The following RANBP2 variants were observed in gnomAD, a reference collection of about 807,000 sequenced individuals.
RANBP2 encodes E3 SUMO-protein ligase RanBP2.
RANBP2 carries 57 observed loss-of-function variants against 303.6 expected under a neutral mutation model. That is an observed-to-expected ratio of 0.19 (90% CI 0.15 to 0.23). The LOEUF is 0.23. Among genes scored for constraint, RANBP2 ranks in the 10% least tolerant of loss-of-function variants. The probability of loss-of-function intolerance (pLI) is 1.00; values close to 1 mark genes in which losing one functional copy is unlikely to be tolerated. For missense variants in RANBP2, 3,138 were observed against 3,780.8 expected (o/e 0.83, Z 4.46); for synonymous variants, 1,167 against 1,301.5 (o/e 0.90, Z 2.23).
chr2:109,341,927 A>G, the RANBP2 span, among the ~76,000 whole-genome samples: 3 of 152,186 alleles, frequency 2.0e-5, no homozygotes, highest in Non-Finnish European at 4.4e-5. Flanking sequence ...TCTGACAGAC[A>G]AAAGAAGCAG....
the RANBP2 span, among the ~76,000 whole-genome samples, chr2:108,810,359 T>A: frequency 6.6e-6 from 1 of 152,176 alleles, no homozygotes; most frequent in Admixed American, 6.6e-5. Context: ...TGAAGAGATG[T>A]TGTTGAATTT....
chr2:109,734,515 G>C, the RANBP2 span, among the ~76,000 whole-genome samples: 1 of 152,162 alleles, frequency 6.6e-6, no homozygotes, highest in African/African-American at 2.4e-5. Context: ...AATACATTCT[G>C]TGTTTGTGGA....
chr2:108,907,208 G>A, the RANBP2 span, among the ~76,000 whole-genome samples: 1 of 152,220 alleles, frequency 6.6e-6, no homozygotes, highest in Non-Finnish European at 1.5e-5. Flanking sequence ...AAAACGTTGT[G>A]TGTGTGTGTG....
At chr2:109,514,806 A>AG in the RANBP2 span, among the ~76,000 whole-genome samples, 3 of 152,144 alleles carry the variant, frequency 2.0e-5, no homozygotes, top group Non-Finnish European at 2.9e-5. Flanking sequence ...TTTGGGTGCC[A>AG]GGGGAGAGGG....
the RANBP2 span, among the ~76,000 whole-genome samples, chr2:109,441,697 T>G: frequency 4.5e-4 from 68 of 152,296 alleles, no homozygotes; most frequent in African/African-American, 1.5e-3. Flanking sequence ...TCAAAGACAG[T>G]TGGTGAACAC....
the RANBP2 span, among the ~76,000 whole-genome samples, chr2:109,243,220 C>T: frequency 6.6e-6 from 1 of 152,338 alleles, no homozygotes; most frequent in Non-Finnish European, 1.5e-5. Flanking sequence ...GTCTGCAGAT[C>T]CCCTGCCTCA....
chr2:109,437,006 C>T, the RANBP2 span: 1 of 1,613,880 alleles, frequency 6.2e-7, no homozygotes, highest in Non-Finnish European at 8.5e-7. Flanking sequence ...AGCAGCCTGG[C>T]CACTGCCACC....
chr2:109,603,235 ATAT>A, the RANBP2 span, among the ~76,000 whole-genome samples: 22 of 151,810 alleles, frequency 1.4e-4, no homozygotes, highest in South Asian at 6.2e-4. Flanking sequence ...ATCATTATTA[ATAT>A]TATTATTTTT....
At chr2:108,832,321 C>A in the RANBP2 span, among the ~76,000 whole-genome samples, 1 of 151,130 alleles carries the variant, frequency 6.6e-6, no homozygotes, top group African/African-American at 2.4e-5. Context: ...CCCACCACAC[C>A]TGGCCAGAAT....
the RANBP2 span, among the ~76,000 whole-genome samples, chr2:109,446,346 G>A: frequency 5.9e-5 from 9 of 152,264 alleles, no homozygotes; most frequent in African/African-American, 1.4e-4. Context: ...GGACCATTGC[G>A]GGCGTTATCG....
chr2:108,848,125 C>G, the RANBP2 span, among the ~76,000 whole-genome samples: 40 of 152,036 alleles, frequency 2.6e-4, no homozygotes, highest in African/African-American at 8.7e-4. Flanking sequence ...GAATTTGAAG[C>G]CAATTTAATA....
At chr2:108,777,034 G>A (rs1158914256) in intron 24 of RANBP2, 96 bp from the exon 25 acceptor site, 4 of 1,024,272 alleles carry the variant, frequency 3.9e-6, no homozygotes, top group Non-Finnish European at 6.0e-6. Context: ...TCATCCCAGA[G>A]TATACAAGTC....
At chr2:108,741,140 T>C (rs1343296067) in intron 7 of RANBP2, among the ~76,000 whole-genome samples, 1 of 152,146 alleles carries the variant, frequency 6.6e-6, no homozygotes, top group East Asian at 1.9e-4. Context: ...ATGACTGTAT[T>C]GTGTATATGT....
At chr2:109,301,938 T>C in the RANBP2 span, among the ~76,000 whole-genome samples, 1 of 152,198 alleles carries the variant, frequency 6.6e-6, no homozygotes, top group Non-Finnish European at 1.5e-5. Flanking sequence ...TTTTCTGCCC[T>C]CCTTCCCGCA....
At chr2:109,305,410 A>G in the RANBP2 span, among the ~76,000 whole-genome samples, 1 of 152,096 alleles carries the variant, frequency 6.6e-6, no homozygotes, top group Non-Finnish European at 1.5e-5. Context: ...GCCCCTTCTT[A>G]GGGGAACATC....
chr2:109,727,801 A>G, the RANBP2 span, among the ~76,000 whole-genome samples: 1 of 152,194 alleles, frequency 6.6e-6, no homozygotes, highest in Non-Finnish European at 1.5e-5. Flanking sequence ...TGGCCATGGC[A>G]CTAAGAATGA....
the RANBP2 span, among the ~76,000 whole-genome samples, chr2:108,808,744 A>T: frequency 6.6e-6 from 1 of 151,668 alleles, no homozygotes; most frequent in African/African-American, 2.4e-5. Context: ...TATTGTCTGG[A>T]TTTTCACCCT....
At chr2:109,671,909 T>C in the RANBP2 span, among the ~76,000 whole-genome samples, 2 of 150,402 alleles carry the variant, frequency 1.3e-5, no homozygotes, top group Admixed American at 1.3e-4. Context: ...TTTTTCCTAC[T>C]TTCTTCCAGT....
At chr2:109,060,684 A>G in the RANBP2 span, among the ~76,000 whole-genome samples, 1 of 152,244 alleles carries the variant, frequency 6.6e-6, no homozygotes. Context: ...GTAGGTGTGC[A>G]GAGGCCAAGG....
Sources: allele counts gnomAD v4.1 joint callset (sites outside exome capture counted in the v4.1 genomes callset), GRCh38; gene constraint gnomAD v4.1.1; transcripts MANE v1.5; gene names NCBI Gene and HGNC (gene_info 2026-07-23, HGNC 2026-07-21).